Variants in PRUNE2 observed in about 807,000 individuals in gnomAD.
PRUNE2 encodes prune homolog 2 with BCH domain, also known as protein prune homolog 2.
Under a neutral mutation model 252.0 loss-of-function variants are expected in PRUNE2, and 164 were observed. That is an observed-to-expected ratio of 0.65 (90% CI 0.57 to 0.74). The LOEUF (loss-of-function observed/expected upper bound fraction) is 0.74, where lower values mean the gene tolerates loss of function less well. Ranked by LOEUF, PRUNE2 falls within the 30% of genes least tolerant of loss-of-function variation. The pLI, the probability that PRUNE2 is intolerant of heterozygous loss-of-function variation, is 0.00. For synonymous variants in PRUNE2, 1,292 were observed against 1,350.2 expected (o/e 0.96, Z 0.94); for missense variants, 3,495 against 3,711.0 (o/e 0.94, Z 1.51).
intron 6 of PRUNE2, among the ~76,000 whole-genome samples, chr9:76,815,864 AC>A (rs1264360853): frequency 6.6e-6 from 1 of 152,196 alleles, no homozygotes; most frequent in East Asian, 1.9e-4. Context: ...AGCTGGAGAT[AC>A]AAAATAAGAA....
At chr9:76,822,193 C>A (rs1197816122) in intron 6 of PRUNE2, among the ~76,000 whole-genome samples, 1 of 152,088 alleles carries the variant, frequency 6.6e-6, no homozygotes, top group East Asian at 1.9e-4. Flanking sequence ...TGAATTGATT[C>A]ACATCAATAA....
Position 76,660,781 on chromosome 9 carries a change from CA to C in PRUNE2, c.8277-5280del, listed in dbSNP as rs11432174. On this transcript the variant is annotated intron_variant, in intron 9 of 18. Transcript: ENST00000376718. ...TGGGCAACAGAGCAAGACTCTGAATCAAAAAAAAAAAAAAAAAAAAGAAAGA... is the reference window on the plus strand; with the variant it reads ...TGGGCAACAGAGCAAGACTCTGAATCAAAAAAAAAAAAAAAAAAAGAAAGA... Among the ~76,000 whole-genome samples, 777 of 101,048 alleles carry C rather than the reference CA, an allele frequency of 7.7e-3. 4 individuals carry two copies. Among genetic ancestry groups the C allele is most frequent in the Middle Eastern group, 0.012 (2 of 164 alleles). 66.3% of individuals were successfully genotyped at this position (101,048 alleles called of 152,430 possible). A position where few individuals can be genotyped will look rare whatever the true frequency, so the allele number is the denominator to read the frequency against.
At chr9:76,614,978 T>C (rs2131801223) in intron 18 of PRUNE2, 1 of 456,010 alleles carries the variant, frequency 2.2e-6, no homozygotes, top group South Asian at 7.9e-5. Context: ...AGCAAACAAA[T>C]GTTCTGCCTC....
intron 6 of PRUNE2, among the ~76,000 whole-genome samples, chr9:76,780,956 A>G (rs7861307): frequency 0.22 from 33,048 of 152,052 alleles, 3,667 homozygotes; most frequent in East Asian, 0.31. Flanking sequence ...ACATCCACCA[A>G]GTTTTTATGC....
chr9:76,824,825 T>C (rs1226098431), intron 5 of PRUNE2, among the ~76,000 whole-genome samples: 1 of 152,310 alleles, frequency 6.6e-6, no homozygotes, highest in Non-Finnish European at 1.5e-5. Context: ...ATATTTTTCT[T>C]TGACTCAAAA....
intron 6 of PRUNE2, among the ~76,000 whole-genome samples, chr9:76,742,306 A>T (rs2049701329): frequency 6.6e-6 from 1 of 152,128 alleles, no homozygotes; most frequent in Admixed American, 6.5e-5. Flanking sequence ...ACATAACTTT[A>T]AAAAAAATCA....
chr9:76,849,731 C>T (rs1280628017), intron 3 of PRUNE2, among the ~76,000 whole-genome samples: 1 of 151,972 alleles, frequency 6.6e-6, no homozygotes, highest in African/African-American at 2.4e-5. Context: ...GAGGCTGAGG[C>T]AAGAGAATCG....
chr9:76,726,234 ACAAT>A (rs1309571689), intron 6 of PRUNE2, among the ~76,000 whole-genome samples: 1 of 152,184 alleles, frequency 6.6e-6, no homozygotes, highest in African/African-American at 2.4e-5. Context: ...TCTGGGCAAA[ACAAT>A]TGAGGTAGAT....
At chr9:76,767,660 G>A (rs965255044) in intron 6 of PRUNE2, among the ~76,000 whole-genome samples, 5 of 152,000 alleles carry the variant, frequency 3.3e-5, no homozygotes, top group East Asian at 1.9e-4. Flanking sequence ...CCCCTAACAG[G>A]AGGCACCTTA....
intron 4 of PRUNE2, among the ~76,000 whole-genome samples, chr9:76,832,734 T>A (rs1047511221): frequency 6.6e-6 from 1 of 151,062 alleles, no homozygotes; most frequent in Non-Finnish European, 1.5e-5. Context: ...ATGGAAGAAA[T>A]CAATAAAACA....
Position 76,644,785 on chromosome 9 carries a change from A to G in PRUNE2, c.8682T>C (p.Ile2894=), listed in dbSNP as rs773357779. ...TVVIGEQEQR[I]DMKVIEPYRR... ...TGTAGGGCTCGATGACCTTCATGTC[A>G]ATGCGCTGCTCTTGTTCTCCAATGA... is the stretch of plus-strand genomic sequence containing the variant. The change falls in exon 12 of 19, where the codon ATT becomes ATC. Residue 2894 remains isoleucine, a synonymous_variant. Transcript: ENST00000376718. The G allele has an allele frequency of 1.2e-6, 2 of 1,613,926 alleles. No individual in the cohort carries two copies. The highest frequency in any genetic ancestry group is 8.5e-7 in the Non-Finnish European group (1 of 1,179,868).
At chr9:76,644,677 A>G (rs1844052221) in intron 12 of PRUNE2, 62 bp downstream of exon 12, 1 of 1,530,934 alleles carries the variant, frequency 6.5e-7, no homozygotes, top group East Asian at 2.3e-5. Flanking sequence ...GACTCACTTC[A>G]TGATTTTAAA....
At chr9:76,658,225 G>C (rs1040106784) in intron 9 of PRUNE2, among the ~76,000 whole-genome samples, 1 of 152,216 alleles carries the variant, frequency 6.6e-6, no homozygotes, top group African/African-American at 2.4e-5. Flanking sequence ...GGGTGTGGTG[G>C]CGCATGCCTG....
intron 10 of PRUNE2, among the ~76,000 whole-genome samples, chr9:76,653,865 C>CA (rs1218160396): frequency 6.6e-6 from 1 of 152,110 alleles, no homozygotes; most frequent in African/African-American, 2.4e-5. Context: ...TTGTAGTATG[C>CA]ATCTTCCCGC....
intron 1 of PRUNE2, among the ~76,000 whole-genome samples, chr9:76,868,666 A>G (rs1455965401): frequency 6.6e-6 from 1 of 152,204 alleles, no homozygotes; most frequent in Non-Finnish European, 1.5e-5. Flanking sequence ...AATAGCAATC[A>G]GAAAAAATTG....
intron 6 of PRUNE2, chr9:76,764,509 G>A (rs1234277208): frequency 1.3e-5 from 2 of 152,332 alleles, no homozygotes; most frequent in African/African-American, 4.8e-5. Flanking sequence ...TGCAGCCGAG[G>A]GAGACCAGGA....
chr9:76,901,209 T>A (rs1000795279), intron 1 of PRUNE2, among the ~76,000 whole-genome samples: 1 of 152,170 alleles, frequency 6.6e-6, no homozygotes, highest in Non-Finnish European at 1.5e-5. Context: ...CAGTGAGAAA[T>A]GAAGCTAACT....
At chr9:76,668,627 G>T (rs540984996) in intron 9 of PRUNE2, among the ~76,000 whole-genome samples, 3 of 152,104 alleles carry the variant, frequency 2.0e-5, no homozygotes, top group Admixed American at 2.0e-4. Flanking sequence ...CCTCTTCCCA[G>T]CCTGAACTCT....
chr9:76,830,159 C>G (rs2058585941), intron 4 of PRUNE2, among the ~76,000 whole-genome samples: 1 of 152,148 alleles, frequency 6.6e-6, no homozygotes, highest in South Asian at 2.1e-4. Flanking sequence ...AAGAAAACAA[C>G]CATACTGAAG....
Sources: gnomAD v4.1 joint callset for allele counts (sites outside exome capture counted in the v4.1 genomes callset) on GRCh38, gnomAD v4.1.1 for gene constraint, MANE v1.5 for transcripts, NCBI Gene and HGNC (gene_info 2026-07-23, HGNC 2026-07-21) for gene names.